Variants in DNAJC15 observed in about 807,000 individuals in gnomAD.
DNAJC15 encodes dnaJ homolog subfamily C member 15.
A neutral mutation model predicts 22.4 loss-of-function variants in DNAJC15; 27 were observed. The observed-to-expected ratio is 1.20, with a 90% CI of 0.89 to 1.66. DNAJC15 has a LOEUF of 1.66. DNAJC15 is among the 40% of genes most tolerant of loss of function. DNAJC15 has a pLI of 0.00. For missense variants in DNAJC15, 208 were observed against 187.1 expected (o/e 1.11, Z -0.65); for synonymous variants, 79 against 63.2 (o/e 1.25, Z -1.19).
intron 4 of DNAJC15, among the ~76,000 whole-genome samples, chr13:43,084,852 A>G (rs2040679707): frequency 6.8e-6 from 1 of 146,500 alleles, no homozygotes; most frequent in Non-Finnish European, 1.5e-5. Flanking sequence ...CTAAATAACT[A>G]TGAGACATAA....
At chr13:43,080,482 CAT>C (rs1189516333) in intron 4 of DNAJC15, among the ~76,000 whole-genome samples, 1 of 152,290 alleles carries the variant, frequency 6.6e-6, no homozygotes, top group African/African-American at 2.4e-5. Flanking sequence ...AGGTTGATTC[CAT>C]ATGTTTGCTG....
chr13:43,103,786 C>G (rs2153442365), intron 5 of DNAJC15, among the ~76,000 whole-genome samples: 1 of 152,230 alleles, frequency 6.6e-6, no homozygotes. Context: ...TTGGTTCTCT[C>G]CTTTTTTCCT....
At chr13:43,071,081 A>G (rs1265146920) in intron 3 of DNAJC15, among the ~76,000 whole-genome samples, 2 of 152,224 alleles carry the variant, frequency 1.3e-5, no homozygotes, top group Non-Finnish European at 2.9e-5. Context: ...GTGATCTTCA[A>G]TATAGTGTAA....
At chr13:43,059,507 G>A (rs567634246) in intron 1 of DNAJC15, among the ~76,000 whole-genome samples, 1 of 152,164 alleles carries the variant, frequency 6.6e-6, no homozygotes, top group Non-Finnish European at 1.5e-5. Context: ...TGGGATTACG[G>A]GCGTGCGCCA....
intron 1 of DNAJC15, among the ~76,000 whole-genome samples, chr13:43,039,793 A>C (rs1355518224): frequency 6.6e-6 from 1 of 152,156 alleles, no homozygotes; most frequent in African/African-American, 2.4e-5. Context: ...AGGCAGGGGG[A>C]TCACCTGAAG....
At chr13:43,063,440 C>G (rs935282921) in intron 1 of DNAJC15, among the ~76,000 whole-genome samples, 2 of 152,184 alleles carry the variant, frequency 1.3e-5, no homozygotes, top group South Asian at 4.1e-4. Context: ...AATACTGTTG[C>G]TATACTGTTG....
At chr13:43,093,773 T>G (rs1244120784) in intron 5 of DNAJC15, among the ~76,000 whole-genome samples, 1 of 152,162 alleles carries the variant, frequency 6.6e-6, no homozygotes, top group Non-Finnish European at 1.5e-5. Context: ...ATTAAACTTC[T>G]TATATATTAG....
chr13:43,034,473 G>A (rs940890480), intron 1 of DNAJC15, among the ~76,000 whole-genome samples: 18 of 150,404 alleles, frequency 1.2e-4, no homozygotes, highest in Admixed American at 1.1e-3. Context: ...CCACCACCGC[G>A]CCCGGCTAAT....
chr13:43,043,387 G>A (rs2040462574), intron 1 of DNAJC15, among the ~76,000 whole-genome samples: 1 of 152,166 alleles, frequency 6.6e-6, no homozygotes, highest in Non-Finnish European at 1.5e-5. Context: ...GGGATTACAG[G>A]CATGAGCTGC....
Position 43,093,496 on chromosome 13 carries a change from G to A in DNAJC15, c.382+7658G>A, listed in dbSNP as rs369810953. Among the ~76,000 whole-genome samples, 52 of 152,056 alleles carry A rather than the reference G, an allele frequency of 3.4e-4. No individual in the cohort carries two copies. The East Asian group carries it at 9.3e-3, about 27-fold the overall frequency. On this transcript the variant is annotated intron_variant, in intron 5 of 5. Coordinates refer to ENST00000379221, the MANE Select transcript of DNAJC15 (RefSeq NM_013238.3). Reference sequence around the variant, plus strand: ...TGTGATCACAGCTCACTTCAGCCTCGGCCTCTCAGACTCAAGCAGTCCTCT... The same window carrying A: ...TGTGATCACAGCTCACTTCAGCCTCAGCCTCTCAGACTCAAGCAGTCCTCT...
Position 43,109,525 on chromosome 13 carries a change from T to C in DNAJC15, c.*2277T>C, listed in dbSNP as rs963950843. 22 of 152,194 alleles carry C rather than the reference T, an allele frequency of 1.4e-4. No homozygotes were observed. Among genetic ancestry groups the C allele is most frequent in the African/African-American group, 5.3e-4 (22 of 41,448 alleles). 9.4% of individuals were successfully genotyped at this position (152,194 alleles called of 1,614,324 possible). ...CTAATCCATACTTTATTCATGAGAATTTGAGTCACCCCAGCATTAGCTTGG... is the reference window on the plus strand; with the variant it reads ...CTAATCCATACTTTATTCATGAGAACTTGAGTCACCCCAGCATTAGCTTGG... On this transcript the variant is annotated 3_prime_UTR_variant, in exon 6 of 6. Coordinates refer to ENST00000379221, the MANE Select transcript of DNAJC15 (RefSeq NM_013238.3).
chr13:43,099,645 G>A (rs1342622167), intron 5 of DNAJC15, among the ~76,000 whole-genome samples: 2 of 152,000 alleles, frequency 1.3e-5, no homozygotes, highest in East Asian at 3.9e-4. Context: ...AGATCATTAT[G>A]TGAATTTTTT....
Position 43,051,634 on chromosome 13 carries a change from G to GGTGTGT in DNAJC15, c.109-14029_109-14024dup, listed in dbSNP as rs57271276. Among the ~76,000 whole-genome samples the GGTGTGT allele has an allele frequency of 1.4e-3, 184 of 133,148 alleles. 1 individual carries two copies. Among genetic ancestry groups the GGTGTGT allele is most frequent in the East Asian group, 9.2e-3 (38 of 4,114 alleles). The allele number at this position is 133,148 out of a possible 152,430, so 87.4% of individuals were successfully genotyped here. A position where few individuals can be genotyped will look rare whatever the true frequency, so the allele number is the denominator to read the frequency against. ...TTTTTATGGCTGAGTAGTACTTCATGGTGTGTGTGTGTGTGTGTGTGTGTG... is the reference window on the plus strand; with the variant it reads ...TTTTTATGGCTGAGTAGTACTTCATGGTGTGTGTGTGTGTGTGTGTGTGTGTGTGTG... On this transcript the variant is annotated intron_variant, in intron 1 of 5. Coordinates refer to ENST00000379221, the MANE Select transcript of DNAJC15 (RefSeq NM_013238.3).
rs1445197083 is a variant in DNAJC15, at chr13:43,111,127, C to T, written c.*3879C>T. On this transcript the variant is annotated 3_prime_UTR_variant, in exon 6 of 6. Transcript: ENST00000379221. ...TTTAGTTGATGGTGCCAGTCTTCAG[C>T]GTAAAGTCAAAAGTGGAGGGAAGTT... 1.3e-5 allele frequency: 2 copies of T among 152,102 alleles called. No individual in the cohort carries two copies. Among genetic ancestry groups the T allele is most frequent in the Non-Finnish European group, 2.9e-5 (2 of 68,020 alleles). 9.4% of individuals were successfully genotyped at this position (152,102 alleles called of 1,614,324 possible).
At chr13:43,061,365 G>T (rs534115610) in intron 1 of DNAJC15, among the ~76,000 whole-genome samples, 1 of 152,136 alleles carries the variant, frequency 6.6e-6, no homozygotes, top group Non-Finnish European at 1.5e-5. Flanking sequence ...TGTCCTGAGC[G>T]ATGGGATCTG....
chr13:43,092,503 T>C (rs557043506), intron 5 of DNAJC15, among the ~76,000 whole-genome samples: 1,167 of 90,932 alleles, frequency 0.013, 14 homozygotes, highest in African/African-American at 0.033. Flanking sequence ...CACACACACA[T>C]GTGTGTGTGT....
intron 1 of DNAJC15, among the ~76,000 whole-genome samples, chr13:43,061,156 TGAC>T (rs1370441383): frequency 6.6e-6 from 1 of 152,130 alleles, no homozygotes; most frequent in Admixed American, 6.5e-5. Flanking sequence ...GGTTATGAAA[TGAC>T]GACAGAATAG....
At chr13:43,099,447 C>T (rs2040756595) in intron 5 of DNAJC15, among the ~76,000 whole-genome samples, 1 of 152,170 alleles carries the variant, frequency 6.6e-6, no homozygotes, top group Admixed American at 6.5e-5. Context: ...AACAGACATC[C>T]TTGTCTTGCT....
intron 1 of DNAJC15, among the ~76,000 whole-genome samples, chr13:43,026,890 GAAAT>G (rs1364775417): frequency 6.6e-6 from 1 of 152,080 alleles, no homozygotes; most frequent in Non-Finnish European, 1.5e-5. Context: ...AAATCAAAAA[GAAAT>G]AAATATATCT....
Sources: allele counts gnomAD v4.1 joint callset (sites outside exome capture counted in the v4.1 genomes callset), GRCh38; gene constraint gnomAD v4.1.1; transcripts MANE v1.5; gene names NCBI Gene and HGNC (gene_info 2026-07-23, HGNC 2026-07-21).